LYPD6: variants seen among roughly 807,000 people sequenced by gnomAD.
LYPD6 encodes the protein LY6/PLAUR domain containing 6, also known as ly6/PLAUR domain-containing protein 6.
LYPD6 carries 15 observed loss-of-function variants against 22.7 expected under a neutral mutation model. That is an observed-to-expected ratio of 0.66 (90% CI 0.44 to 1.02). The LOEUF is 1.02. Among genes scored for constraint, LYPD6 ranks in the 50% least tolerant of loss-of-function variants. LYPD6 has a pLI of 0.00. For synonymous variants in LYPD6, 72 were observed against 77.5 expected, an observed-to-expected ratio of 0.93 and a Z score of 0.37; for missense variants, 189 against 208.4, an observed-to-expected ratio of 0.91 and a Z score of 0.57.
chr2:149,445,296 T>G (rs1200225983), intron 2 of LYPD6, among the ~76,000 whole-genome samples: 2 of 152,232 alleles, frequency 1.3e-5, no homozygotes, highest in Non-Finnish European at 2.9e-5. Flanking sequence ...TTAACATAAT[T>G]TTTAAAGTCT....
In LYPD6 at chr2:149,449,097, C is replaced by G. The variant is rs1231699270; in HGVS notation, c.167C>G (p.Ala56Gly). Residue 56 changes from alanine to glycine, a missense_variant, in exon 3 of 5, where the codon GCA becomes GGA. By Grantham distance (60) the Ala-to-Gly change is moderately conservative. Transcript: ENST00000334166. ...GFKCFTCEKA[A>G]DNYECNRWAP... ...AAATGTTTCACCTGTGAAAAGGCAG[C>G]AGACAATTATGAGTGCAACCGATGG... The G allele has an allele frequency of 8.1e-6, 13 of 1,613,510 alleles. No homozygotes were observed. Among genetic ancestry groups the G allele is most frequent in the African/African-American group, 1.3e-5 (1 of 74,906 alleles).
intron 1 of LYPD6, among the ~76,000 whole-genome samples, chr2:149,427,391 A>G (rs1276251060): frequency 1.3e-5 from 2 of 152,068 alleles, no homozygotes; most frequent in East Asian, 3.9e-4. Flanking sequence ...TCAGACCACC[A>G]CCCCCTCCCA....
At chr2:149,449,282 T>G (rs1020192499) in intron 3 of LYPD6, 135 bp downstream of exon 3, 3 of 577,068 alleles carry the variant, frequency 5.2e-6, no homozygotes, top group Non-Finnish European at 9.4e-6. Flanking sequence ...TTAGATCTTT[T>G]GTACCACACC....
chr2:149,479,280 C>T, the LYPD6 span, among the ~76,000 whole-genome samples: 1 of 152,144 alleles, frequency 6.6e-6, no homozygotes. Context: ...CAGAGTTCCT[C>T]GAAATTTGGT....
intron 2 of LYPD6, 89 bp downstream of exon 2, chr2:149,437,915 A>G (rs986686523): frequency 3.8e-5 from 55 of 1,449,170 alleles, no homozygotes; most frequent in Non-Finnish European, 5.0e-5. Flanking sequence ...ATCCTTCAGT[A>G]TAGTGAAAAC....
chr2:149,364,042 T>C (rs975968051), intron 1 of LYPD6, among the ~76,000 whole-genome samples: 2 of 152,172 alleles, frequency 1.3e-5, no homozygotes, highest in South Asian at 2.1e-4. Flanking sequence ...AGCTAGTATT[T>C]TTATCTTGTA....
At position 149,403,178 on chromosome 2, in the gene LYPD6, C is replaced by G. The variant is rs1682602501; in HGVS notation, c.-71-34460C>G. Among the ~76,000 whole-genome samples the G allele has an allele frequency of 1.3e-5, 2 of 152,068 alleles. 1 individual carries two copies. Among genetic ancestry groups the G allele is most frequent in the South Asian group, 4.1e-4 (2 of 4,824 alleles). On this transcript the variant is annotated intron_variant, in intron 1 of 4. Transcript: ENST00000334166. Reference sequence around the variant, plus strand: ...CAAGTCTTTGCTATTGTGAATAGTGCCGCAGTAAACATATGTGTGCATGTG... The same window carrying G: ...CAAGTCTTTGCTATTGTGAATAGTGGCGCAGTAAACATATGTGTGCATGTG...
chr2:149,352,470 G>A (rs1196697), intron 1 of LYPD6, among the ~76,000 whole-genome samples: 7,881 of 152,204 alleles, frequency 0.052, 739 homozygotes, highest in African/African-American at 0.18. Flanking sequence ...ATAGAAGGGA[G>A]AGCTTCAGAA....
At chr2:149,478,056 A>G (rs1483653280), downstream of LYPD6, among the ~76,000 whole-genome samples, 1 of 152,070 alleles carries the variant, frequency 6.6e-6, no homozygotes, top group East Asian at 1.9e-4. Context: ...TAGCCCTTCC[A>G]GTCTGTTAGC....
At chr2:149,406,565 A>G (rs968021442) in intron 1 of LYPD6, among the ~76,000 whole-genome samples, 21 of 151,302 alleles carry the variant, frequency 1.4e-4, no homozygotes, top group African/African-American at 4.9e-4. Flanking sequence ...CCCCTGCCTT[A>G]TTTGTTTTCC....
At chr2:149,405,570 T>C (rs1399059074) in intron 1 of LYPD6, among the ~76,000 whole-genome samples, 6 of 152,180 alleles carry the variant, frequency 3.9e-5, no homozygotes, top group East Asian at 1.9e-4. Context: ...TCTGTGGGAT[T>C]GGTGGTGATA....
chr2:149,347,423 C>T (rs1177105542), intron 1 of LYPD6, among the ~76,000 whole-genome samples: 3 of 152,156 alleles, frequency 2.0e-5, no homozygotes, highest in East Asian at 1.9e-4. Flanking sequence ...CCTCATCTCT[C>T]TCTGGCGTTC....
chr2:149,360,207 G>T (rs1271271939), intron 1 of LYPD6, among the ~76,000 whole-genome samples: 1 of 152,192 alleles, frequency 6.6e-6, no homozygotes, highest in Non-Finnish European at 1.5e-5. Flanking sequence ...ACGACTGGAG[G>T]TCACTTTTGT....
In LYPD6 at chr2:149,396,314, T is replaced by G. The variant is rs80064551; in HGVS notation, c.-71-41324T>G. 5.3e-5 allele frequency among the ~76,000 whole-genome samples: 8 copies of G among 152,244 alleles called. No individual in the cohort carries two copies. The East Asian group carries it at 1.5e-3, about 29-fold the overall frequency. ...ATTCAATTTTCTACTTGAGTCAGTT[T>G]TGTTCCTTTATATTTTGTGGAAAGT... On this transcript the variant is annotated intron_variant, in intron 1 of 4. Transcript: ENST00000334166.
intron 1 of LYPD6, among the ~76,000 whole-genome samples, chr2:149,435,232 A>G (rs2105147340): frequency 6.6e-6 from 1 of 152,338 alleles, no homozygotes; most frequent in Non-Finnish European, 1.5e-5. Flanking sequence ...ACTGTGAGAA[A>G]TCTCTGTTGT....
rs571073447 is a variant in LYPD6 at position 149,338,626 on chromosome 2, C to T, written c.-72+7904C>T. Among the ~76,000 whole-genome samples the T allele has an allele frequency of 2.0e-5, 3 of 152,274 alleles. No individual in the cohort carries two copies. In the South Asian group the frequency reaches 6.2e-4, roughly 32 times the overall value. ...CAGAGAATGAGCCCTCACCAGACACCAGATCTGCTGGTATTGTCATCTTGG... is the reference window on the plus strand; with the variant it reads ...CAGAGAATGAGCCCTCACCAGACACTAGATCTGCTGGTATTGTCATCTTGG... On this transcript the variant is annotated intron_variant, in intron 1 of 4. Transcript: ENST00000334166.
intron 1 of LYPD6, among the ~76,000 whole-genome samples, chr2:149,385,087 T>TCC (rs1184414074): frequency 6.6e-6 from 1 of 152,126 alleles, no homozygotes; most frequent in African/African-American, 2.4e-5. Flanking sequence ...CGTGGGACCA[T>TCC]CCTTTCATTT....
At chr2:149,349,191 T>C (rs1209921935) in intron 1 of LYPD6, among the ~76,000 whole-genome samples, 1 of 152,070 alleles carries the variant, frequency 6.6e-6, no homozygotes, top group Admixed American at 6.5e-5. Flanking sequence ...GGGCTGAAGA[T>C]GTAATGATGG....
chr2:149,377,704 T>C (rs566609424), intron 1 of LYPD6, among the ~76,000 whole-genome samples: 6 of 152,044 alleles, frequency 3.9e-5, no homozygotes, highest in African/African-American at 1.2e-4. Flanking sequence ...TGCTTGATTC[T>C]GGGAGGCGGA....
Sources: gnomAD v4.1 joint callset for allele counts (sites outside exome capture counted in the v4.1 genomes callset) on GRCh38, gnomAD v4.1.1 for gene constraint, MANE v1.5 for transcripts, NCBI Gene and HGNC (gene_info 2026-07-23, HGNC 2026-07-21) for gene names.